SLC4A10: variants seen among roughly 807,000 people sequenced by gnomAD.
SLC4A10 encodes sodium-driven chloride bicarbonate exchanger.
In SLC4A10, 42 loss-of-function variants were observed where a neutral mutation model predicts 137.7. The ratio of observed to expected loss-of-function variants is 0.30; its 90% CI spans 0.24 to 0.39. The LOEUF is 0.39. Ranked by LOEUF, SLC4A10 falls within the 10% of genes least tolerant of loss-of-function variation. The pLI is 1.00. For missense variants in SLC4A10, 925 were observed against 1,355.0 expected (o/e 0.68, Z 4.98); for synonymous variants, 474 against 464.1 (o/e 1.02, Z -0.27).
rs566448731 is a variant in SLC4A10 at position 161,953,469 on chromosome 2, G to A, written c.2541+2621G>A. Among the ~76,000 whole-genome samples, 511 of 152,098 alleles carry A rather than the reference G, an allele frequency of 3.4e-3. 4 individuals are homozygous for A. The highest frequency in any genetic ancestry group is 0.012 in the African/African-American group (482 of 41,504). ...CTAAAAACACAAAGATTAGCTGGGCGTAGTGGCGGGCACCTGTAATCCCAG... is the reference window on the plus strand; with the variant it reads ...CTAAAAACACAAAGATTAGCTGGGCATAGTGGCGGGCACCTGTAATCCCAG... On this transcript the variant is annotated intron_variant, in intron 19 of 26. Transcript: ENST00000446997.
intron 5 of SLC4A10, among the ~76,000 whole-genome samples, chr2:161,859,315 G>A (rs1244962101): frequency 1.5e-5 from 1 of 66,236 alleles, no homozygotes; most frequent in Non-Finnish European, 3.5e-5. Context: ...TTTTTTAGAC[G>A]AAGTCTCGCT....
Position 161,723,572 on chromosome 2 carries a change from A to G in SLC4A10, c.49-47401A>G, listed in dbSNP as rs113069957. On this transcript the variant is annotated intron_variant, in intron 1 of 26. Coordinates refer to ENST00000446997, the MANE Select transcript of SLC4A10 (RefSeq NM_001178015.2). ...TTATTATTATCATAATCTTTCTGATAATTTTGTCTCAATCTTCCTCAAGGT... is the reference window on the plus strand; with the variant it reads ...TTATTATTATCATAATCTTTCTGATGATTTTGTCTCAATCTTCCTCAAGGT... Among the ~76,000 whole-genome samples the G allele has an allele frequency of 1.5e-3, 229 of 152,292 alleles. 1 individual carries two copies. The highest frequency in any genetic ancestry group is 5.2e-3 in the African/African-American group (215 of 41,572).
At chr2:161,790,530 A>G (rs1041024904) in intron 2 of SLC4A10, among the ~76,000 whole-genome samples, 3 of 152,148 alleles carry the variant, frequency 2.0e-5, no homozygotes, top group African/African-American at 4.8e-5. Context: ...TAACCAGTGG[A>G]GTTAATTAAT....
chr2:161,827,567 TC>T (rs1422631706), intron 3 of SLC4A10, among the ~76,000 whole-genome samples: 1 of 152,052 alleles, frequency 6.6e-6, no homozygotes, highest in Non-Finnish European at 1.5e-5. Context: ...ATTATGTGAT[TC>T]TTTTTTTTTT....
chr2:161,962,494 A>G (rs190556313), intron 21 of SLC4A10, among the ~76,000 whole-genome samples: 7 of 152,260 alleles, frequency 4.6e-5, no homozygotes, highest in South Asian at 4.1e-4. Flanking sequence ...ACCATGCACC[A>G]AGTTTTTGTT....
At chr2:161,679,622 A>G (rs1458080616) in intron 1 of SLC4A10, among the ~76,000 whole-genome samples, 2 of 148,386 alleles carry the variant, frequency 1.3e-5, no homozygotes, top group Non-Finnish European at 3.0e-5. Context: ...ATATGCTGTC[A>G]TTTCTGCTTT....
At chr2:161,654,033 T>C (rs755241996) in intron 1 of SLC4A10, among the ~76,000 whole-genome samples, 1 of 152,208 alleles carries the variant, frequency 6.6e-6, no homozygotes, top group Non-Finnish European at 1.5e-5. Flanking sequence ...TTTCTCTATA[T>C]CCTAACACTT....
At chr2:161,970,862 G>A (rs954536044) in intron 23 of SLC4A10, among the ~76,000 whole-genome samples, 4 of 152,214 alleles carry the variant, frequency 2.6e-5, no homozygotes, top group African/African-American at 9.7e-5. Flanking sequence ...ACCAGGATTT[G>A]ACTTCAATTT....
intron 1 of SLC4A10, among the ~76,000 whole-genome samples, chr2:161,640,627 TC>T (rs1414107741): frequency 1.4e-4 from 20 of 144,488 alleles, no homozygotes; most frequent in African/African-American, 4.7e-4. Flanking sequence ...CTTCCTTCCT[TC>T]CTTCCTTCCT....
chr2:161,656,878 A>G (rs1036596401), intron 1 of SLC4A10, among the ~76,000 whole-genome samples: 2 of 152,048 alleles, frequency 1.3e-5, no homozygotes, highest in African/African-American at 2.4e-5. Context: ...TACATATTTC[A>G]TTTGGTTCTC....
At chr2:161,949,018 G>T in intron 17 of SLC4A10, 130 bp from the exon 18 acceptor site, 1 of 561,898 alleles carries the variant, frequency 1.8e-6, no homozygotes. Flanking sequence ...TAATCTTATA[G>T]TATGCATAAA....
At chr2:161,961,179 A>T (rs1696640940) in intron 21 of SLC4A10, among the ~76,000 whole-genome samples, 1 of 152,190 alleles carries the variant, frequency 6.6e-6, no homozygotes, top group Non-Finnish European at 1.5e-5. Context: ...AACCTGCAGG[A>T]CAGGCAGCAC....
intron 1 of SLC4A10, among the ~76,000 whole-genome samples, chr2:161,762,504 C>T (rs1233816311): frequency 6.6e-6 from 1 of 151,922 alleles, no homozygotes; most frequent in Non-Finnish European, 1.5e-5. Context: ...ACTTTAACTT[C>T]CATGGTAATG....
intron 6 of SLC4A10, among the ~76,000 whole-genome samples, chr2:161,865,086 T>A (rs1486016338): frequency 3.3e-5 from 5 of 152,152 alleles, no homozygotes; most frequent in Admixed American, 2.0e-4. Context: ...GAGGCAAGGA[T>A]CTTGCATTTT....
intron 21 of SLC4A10, among the ~76,000 whole-genome samples, chr2:161,963,404 G>A (rs145208015): frequency 1.0e-3 from 153 of 152,092 alleles, no homozygotes; most frequent in Non-Finnish European, 1.9e-3. Context: ...TATAAATGAC[G>A]TGACAGTGCT....
intron 1 of SLC4A10, among the ~76,000 whole-genome samples, chr2:161,705,306 A>T (rs2043538382): frequency 6.6e-6 from 1 of 151,540 alleles, no homozygotes; most frequent in African/African-American, 2.4e-5. Flanking sequence ...GACCTTGGGT[A>T]TGTCACTTAA....
chr2:161,818,006 A>G (rs2057257155), intron 3 of SLC4A10, among the ~76,000 whole-genome samples: 1 of 152,032 alleles, frequency 6.6e-6, no homozygotes, highest in African/African-American at 2.4e-5. Context: ...GTTTTTTCCA[A>G]TTCTGTGAAG....
intron 1 of SLC4A10, among the ~76,000 whole-genome samples, chr2:161,678,449 C>T (rs755112299): frequency 3.1e-4 from 47 of 152,048 alleles, no homozygotes; most frequent in Non-Finnish European, 5.9e-4. Context: ...AAGTGAGAGA[C>T]GACACGGATA....
chr2:161,802,361 C>T (rs1559281998), intron 2 of SLC4A10, among the ~76,000 whole-genome samples: 2 of 151,844 alleles, frequency 1.3e-5, no homozygotes, highest in Non-Finnish European at 2.9e-5. Flanking sequence ...AATTTAACCC[C>T]GTGTATAAAA....
Sources: gnomAD v4.1 joint callset for allele counts (sites outside exome capture counted in the v4.1 genomes callset) on GRCh38, gnomAD v4.1.1 for gene constraint, MANE v1.5 for transcripts, NCBI Gene and HGNC (gene_info 2026-07-23, HGNC 2026-07-21) for gene names.